Variants in FRMD4B observed in about 807,000 individuals in gnomAD.
The protein encoded by FRMD4B is FERM domain-containing protein 4B.
FRMD4B carries 74 observed loss-of-function variants against 141.5 expected under a neutral mutation model. That is an observed-to-expected ratio of 0.52 (90% CI 0.43 to 0.63). FRMD4B has a LOEUF of 0.63. Ranked by LOEUF, FRMD4B falls within the 30% of genes least tolerant of loss-of-function variation. The pLI is 0.00. For missense variants in FRMD4B, 1,366 were observed against 1,253.4 expected (o/e 1.09, Z -1.36); for synonymous variants, 506 against 467.9 (o/e 1.08, Z -1.05).
chr3:69,510,582 C>T (rs1407299320), intron 1 of FRMD4B, among the ~76,000 whole-genome samples: 1 of 152,140 alleles, frequency 6.6e-6, no homozygotes, highest in Non-Finnish European at 1.5e-5. Context: ...AGGAGCTCAG[C>T]CCATGAGTAT....
At chr3:69,252,576 T>G (rs1479582312) in intron 5 of FRMD4B, among the ~76,000 whole-genome samples, 2 of 152,240 alleles carry the variant, frequency 1.3e-5, no homozygotes, top group African/African-American at 4.8e-5. Flanking sequence ...GCCAAAGTTC[T>G]TTGACTCATT....
intron 1 of FRMD4B, among the ~76,000 whole-genome samples, chr3:69,322,682 G>A (rs555952282): frequency 7.5e-5 from 11 of 147,268 alleles, no homozygotes; most frequent in Admixed American, 4.9e-4. Flanking sequence ...CTGCAGCCTC[G>A]ACCTGCTGGG....
intron 1 of FRMD4B, among the ~76,000 whole-genome samples, chr3:69,504,509 A>T (rs1410425560): frequency 1.3e-5 from 2 of 152,194 alleles, no homozygotes; most frequent in African/African-American, 4.8e-5. Context: ...CCTCCAATGT[A>T]CATGATGTTT....
At chr3:69,423,972 G>A (rs528708458) in intron 2 of FRMD4B, among the ~76,000 whole-genome samples, 1 of 152,062 alleles carries the variant, frequency 6.6e-6, no homozygotes, top group African/African-American at 2.4e-5. Context: ...CAGCCCAAAT[G>A]GACAAAGTTC....
intron 1 of FRMD4B, among the ~76,000 whole-genome samples, chr3:69,497,066 G>C (rs1436801906): frequency 6.6e-6 from 1 of 152,022 alleles, no homozygotes; most frequent in Non-Finnish European, 1.5e-5. Context: ...GCTGTGGAAA[G>C]CAATGACATA....
upstream of FRMD4B, among the ~76,000 whole-genome samples, chr3:69,389,602 G>A (rs1332560012): frequency 6.6e-6 from 1 of 152,172 alleles, no homozygotes; most frequent in Non-Finnish European, 1.5e-5. Context: ...CATAAACACT[G>A]ATGCTTTTTT....
chr3:69,536,556 T>A, intron 1 of FRMD4B: 1 of 704,902 alleles, frequency 1.4e-6, no homozygotes, highest in Non-Finnish European at 2.6e-6. Context: ...GGGGGGATGG[T>A]GAGAGGGCAG....
At chr3:69,422,482 C>T (rs1396259169) in intron 2 of FRMD4B, among the ~76,000 whole-genome samples, 2 of 152,074 alleles carry the variant, frequency 1.3e-5, no homozygotes, top group African/African-American at 2.4e-5. Context: ...TGAGATATCA[C>T]TTCCATACAG....
chr3:69,241,578 C>CT (rs1308823088), intron 7 of FRMD4B, among the ~76,000 whole-genome samples: 15 of 151,588 alleles, frequency 9.9e-5, no homozygotes, highest in Non-Finnish European at 2.9e-5. Flanking sequence ...GGTAATGATT[C>CT]TAACAAATTT....
chr3:69,351,805 T>C (rs1703159542), intron 1 of FRMD4B, among the ~76,000 whole-genome samples: 1 of 152,228 alleles, frequency 6.6e-6, no homozygotes, highest in South Asian at 2.1e-4. Flanking sequence ...CTCTGGATTT[T>C]AATCTCTTCA....
rs17005961 is a variant in FRMD4B, at chr3:69,469,821, G to A, written c.-128-37060C>T. Among the ~76,000 whole-genome samples, 528 of 152,264 alleles carry A rather than the reference G, an allele frequency of 3.5e-3. 7 individuals are homozygous for A. Among genetic ancestry groups the A allele is most frequent in the African/African-American group, 0.012 (503 of 41,538 alleles). On this transcript the variant is annotated intron_variant, in intron 1 of 5. Transcript: ENST00000459638. Reference sequence around the variant, plus strand: ...GATACAAGCGAGACTTTGATTTAGCGGCAGCAGGTTTTAAATGATGCATGA... The same window carrying A: ...GATACAAGCGAGACTTTGATTTAGCAGCAGCAGGTTTTAAATGATGCATGA...
At chr3:69,238,528 A>G (rs146449167) in intron 7 of FRMD4B, among the ~76,000 whole-genome samples, 1 of 152,332 alleles carries the variant, frequency 6.6e-6, no homozygotes, top group East Asian at 1.9e-4. Flanking sequence ...TCACGCCTGT[A>G]ATCCAGGCAC....
intron 1 of FRMD4B, among the ~76,000 whole-genome samples, chr3:69,317,623 T>G (rs1701846304): frequency 6.6e-6 from 1 of 151,574 alleles, no homozygotes; most frequent in South Asian, 2.1e-4. Flanking sequence ...GGTGTGGTGG[T>G]GTGCATCTGT....
intron 2 of FRMD4B, among the ~76,000 whole-genome samples, chr3:69,414,568 G>A (rs1303086802): frequency 2.0e-5 from 3 of 152,208 alleles, no homozygotes; most frequent in African/African-American, 7.2e-5. Context: ...GCCTGCCTTG[G>A]CCTCCCAAAG....
rs573224142 is a variant in FRMD4B, at chr3:69,168,796, G to A, written c.*3065C>T. Among the ~76,000 whole-genome samples the A allele has an allele frequency of 2.0e-5, 3 of 152,076 alleles. No homozygotes were observed. Among genetic ancestry groups the A allele is most frequent in the Middle Eastern group, 3.4e-3 (1 of 294 alleles). On this transcript the variant is annotated 3_prime_UTR_variant, in exon 23 of 23. Transcript: ENST00000398540. ...CAAACTAATAGTTTAAAACAATTCCGGAATCTTTATTTCTTGTAATATTTA... is the reference window on the plus strand; with the variant it reads ...CAAACTAATAGTTTAAAACAATTCCAGAATCTTTATTTCTTGTAATATTTA...
At chr3:69,312,379 G>A (rs1485707501) in intron 2 of FRMD4B, among the ~76,000 whole-genome samples, 1 of 152,156 alleles carries the variant, frequency 6.6e-6, no homozygotes, top group Non-Finnish European at 1.5e-5. Flanking sequence ...TAGACTAAAG[G>A]TCTACTTGGG....
At chr3:69,342,610 T>C (rs1702775799) in intron 1 of FRMD4B, among the ~76,000 whole-genome samples, 1 of 152,218 alleles carries the variant, frequency 6.6e-6, no homozygotes, top group South Asian at 2.1e-4. Context: ...GGTACTTCAG[T>C]GCCAGATGCT....
At chr3:69,503,649 C>T (rs772553502) in intron 1 of FRMD4B, among the ~76,000 whole-genome samples, 2 of 152,070 alleles carry the variant, frequency 1.3e-5, no homozygotes, top group Admixed American at 6.6e-5. Flanking sequence ...CAATCCTGCA[C>T]GTTGTGCACA....
chr3:69,196,932 GCTGA>G lies in FRMD4B; in HGVS notation c.1056_1059del (p.Gln353IlefsTer20). On this transcript the variant is annotated frameshift_variant, in exon 13 of 23. Coordinates refer to ENST00000398540, the MANE Select transcript of FRMD4B (RefSeq NM_015123.3). LOFTEE classifies it high-confidence loss of function. ...TGCTTCCGGTCCAAGTAAAACTGAT[GCTGA>G]CTAATTGCCATTACCCAAATGGACT... 1 of 1,611,274 alleles carries G rather than the reference GCTGA, an allele frequency of 6.2e-7. No individual in the cohort carries two copies.
Sources: gnomAD v4.1 joint callset for allele counts (sites outside exome capture counted in the v4.1 genomes callset) on GRCh38, gnomAD v4.1.1 for gene constraint, MANE v1.5 for transcripts, NCBI Gene and HGNC (gene_info 2026-07-23, HGNC 2026-07-21) for gene names.